DCLK2: variants seen among roughly 807,000 people sequenced by gnomAD.
The protein encoded by DCLK2 is doublecortin like kinase 2, also known as serine/threonine-protein kinase DCLK2.
In DCLK2, 31 loss-of-function variants were observed where a neutral mutation model predicts 78.4. The ratio of observed to expected loss-of-function variants is 0.40; its 90% CI spans 0.30 to 0.53. The LOEUF (loss-of-function observed/expected upper bound fraction) is 0.53, where lower values mean the gene tolerates loss of function less well. Ranked by LOEUF, DCLK2 falls within the 20% of genes least tolerant of loss-of-function variation. DCLK2 has a pLI of 0.61. For synonymous variants in DCLK2, 407 were observed against 374.9 expected (o/e 1.09, Z -0.99); for missense variants, 872 against 973.7 (o/e 0.90, Z 1.39).
In DCLK2 at chr4:150,223,743, CAATAAATA is replaced by C. The variant is rs59076501; in HGVS notation, c.1242-732_1242-725del. ...TGGCTGACAGAGCAAGACTCTCTCT[CAATAAATA>C]AATAAATAAATAAATAAATAAATAA... On this transcript the variant is annotated intron_variant, in intron 7 of 15. Transcript: ENST00000296550. 2.9e-3 allele frequency among the ~76,000 whole-genome samples: 425 copies of C among 146,962 alleles called. 2 individuals are homozygous for C. Among genetic ancestry groups the C allele is most frequent in the African/African-American group, 8.7e-3 (348 of 39,984 alleles).
intron 12 of DCLK2, among the ~76,000 whole-genome samples, chr4:150,242,236 A>G (rs1285578587): frequency 6.6e-6 from 1 of 152,228 alleles, no homozygotes; most frequent in Non-Finnish European, 1.5e-5. Context: ...ATCAAAGAGA[A>G]TAAGCAGAGC....
At position 150,100,240 on chromosome 4, in the gene DCLK2, A is replaced by G. The variant is rs538711355; in HGVS notation, c.422-2238A>G. ...CAAATTTTTAATGGAAACATTATGA[A>G]AGGAAGAAGGGAGAATGGGAAGGAA... On this transcript the variant is annotated intron_variant, in intron 1 of 15. Coordinates refer to ENST00000296550, the MANE Select transcript of DCLK2 (RefSeq NM_001040260.4). 2.0e-5 allele frequency among the ~76,000 whole-genome samples: 3 copies of G among 152,328 alleles called. No individual in the cohort carries two copies. The South Asian group carries it at 6.2e-4, about 32-fold the overall frequency.
intron 15 of DCLK2, chr4:150,253,782 G>GT: frequency 2.0e-6 from 2 of 985,458 alleles, no homozygotes; most frequent in Non-Finnish European, 2.4e-6. Context: ...CCAACAGCTG[G>GT]TGAGAGCACG....
chr4:150,230,976 T>C (rs1742007952), intron 8 of DCLK2, among the ~76,000 whole-genome samples: 1 of 152,252 alleles, frequency 6.6e-6, no homozygotes, highest in Non-Finnish European at 1.5e-5. Context: ...CCTGGTGTGA[T>C]TCTTAACCCC....
chr4:150,168,129 G>A (rs1418502205), intron 2 of DCLK2, among the ~76,000 whole-genome samples: 2 of 152,144 alleles, frequency 1.3e-5, no homozygotes, highest in African/African-American at 4.8e-5. Context: ...GGATCACGAG[G>A]TCAGGAGATC....
chr4:150,253,879 T>C, intron 15 of DCLK2: 5 of 985,468 alleles, frequency 5.1e-6, no homozygotes, highest in Non-Finnish European at 6.0e-6. Flanking sequence ...AGATGGTGCC[T>C]TCGTGAAGGC....
rs1199446103 is a variant in DCLK2, at chr4:150,203,840, A to G, written c.1007A>G (p.Lys336Arg). 6.2e-7 allele frequency: 1 copy of G among 1,614,004 alleles called. No homozygotes were observed. Residue 336 changes from lysine (K) to arginine (R), a missense_variant, in exon 5 of 16, where the codon AAA becomes AGA. By Grantham distance (26) the Lys-to-Arg change is conservative (BLOSUM62 2). Coordinates refer to ENST00000296550, the MANE Select transcript of DCLK2 (RefSeq NM_001040260.4). ...SSQLSTPKST[K>R]SSSSSPTSPG... ...CAACTTTCTACTCCTAAATCTACGA[A>G]ATCCTCCAGTTCCTCTCCAACTAGT...
intron 5 of DCLK2, among the ~76,000 whole-genome samples, chr4:150,218,594 G>A (rs1740927596): frequency 6.6e-6 from 1 of 152,204 alleles, no homozygotes; most frequent in Non-Finnish European, 1.5e-5. Flanking sequence ...ACAGGTCTTA[G>A]GACCTCAGCT....
intron 2 of DCLK2, among the ~76,000 whole-genome samples, chr4:150,116,312 A>G (rs926178505): frequency 6.6e-6 from 1 of 152,154 alleles, no homozygotes; most frequent in Non-Finnish European, 1.5e-5. Context: ...CTTCTCCAAG[A>G]TCCTTCACAA....
chr4:150,256,483 C>T lies in DCLK2; in HGVS notation c.*236C>T, dbSNP rs191543306. On this transcript the variant is annotated 3_prime_UTR_variant, in exon 16 of 16. Transcript: ENST00000296550. ...AAGGCTGCATCCGTTCTGCCAACAG[C>T]TGTTCGGAGAGACTCGTTCCAGATC... The T allele has an allele frequency of 9.8e-4, 499 of 511,666 alleles. 6 individuals are homozygous for T. The highest frequency in any genetic ancestry group is 8.3e-3 in the African/African-American group (411 of 49,740). The allele number at this position is 511,666 out of a possible 1,614,324, so 31.7% of individuals were successfully genotyped here. A position where few individuals can be genotyped will look rare whatever the true frequency, so the allele number is the denominator to read the frequency against.
rs188760290 is a variant in DCLK2, at chr4:150,142,333, G to A, written c.756+39521G>A. The stretch of plus-strand genomic sequence containing the variant: ...CAGGGATAATGATTGGGTAATTTGA[G>A]ATGTCGTGATTGACCCCAGATCTTT... On this transcript the variant is annotated intron_variant, in intron 2 of 15. Coordinates refer to ENST00000296550, the MANE Select transcript of DCLK2 (RefSeq NM_001040260.4). 9.1e-4 allele frequency among the ~76,000 whole-genome samples: 139 copies of A among 152,282 alleles called. 1 individual carries two copies. The highest frequency in any genetic ancestry group is 5.3e-4 in the Non-Finnish European group (36 of 68,016).
At chr4:150,182,506 G>A (rs1737606209) in intron 2 of DCLK2, among the ~76,000 whole-genome samples, 2 of 152,196 alleles carry the variant, frequency 1.3e-5, no homozygotes, top group Admixed American at 1.3e-4. Context: ...TTTAAAATAA[G>A]TGTCTCATGC....
intron 15 of DCLK2, among the ~76,000 whole-genome samples, chr4:150,253,055 C>G (rs549727307): frequency 1.3e-5 from 2 of 152,028 alleles, no homozygotes; most frequent in Non-Finnish European, 2.9e-5. Context: ...GGGGAACTTG[C>G]GATGCTGCTG....
intron 12 of DCLK2, among the ~76,000 whole-genome samples, 196 bp downstream of exon 12, chr4:150,240,672 C>T (rs1349828115): frequency 3.4e-5 from 5 of 149,154 alleles, no homozygotes; most frequent in East Asian, 2.0e-4. Context: ...GTGGGTGCAG[C>T]GCACCAGCAT....
chr4:150,244,999 AG>A (rs1238263927), intron 12 of DCLK2, among the ~76,000 whole-genome samples: 3 of 151,068 alleles, frequency 2.0e-5, no homozygotes, highest in Non-Finnish European at 3.0e-5. Flanking sequence ...GTGGAATAAT[AG>A]GTAAGGATGA....
At chr4:150,192,246 C>T (rs111377552) in intron 2 of DCLK2, among the ~76,000 whole-genome samples, 3,289 of 151,926 alleles carry the variant, frequency 0.022, 107 homozygotes, top group African/African-American at 0.071. Context: ...TTTAGGAGGC[C>T]GAGGCAGGCA....
intron 5 of DCLK2, among the ~76,000 whole-genome samples, chr4:150,211,456 A>G (rs904023793): frequency 1.3e-5 from 2 of 152,146 alleles, no homozygotes; most frequent in Non-Finnish European, 2.9e-5. Context: ...TCACAAGGGC[A>G]TGAGAAACGG....
intron 12 of DCLK2, among the ~76,000 whole-genome samples, chr4:150,244,525 CTCTTT>C (rs1234320373): frequency 6.6e-6 from 1 of 152,092 alleles, no homozygotes; most frequent in Non-Finnish European, 1.5e-5. Flanking sequence ...TGTGCACAAA[CTCTTT>C]TGTTGTTTTT....
chr4:150,164,900 AG>A (rs1431289599), intron 2 of DCLK2, among the ~76,000 whole-genome samples: 2 of 152,258 alleles, frequency 1.3e-5, no homozygotes, highest in Non-Finnish European at 2.9e-5. Flanking sequence ...ATCATTGTAT[AG>A]GGTGAAACAA....
Sources: allele counts gnomAD v4.1 joint callset (sites outside exome capture counted in the v4.1 genomes callset), GRCh38; gene constraint gnomAD v4.1.1; transcripts MANE v1.5; gene names NCBI Gene and HGNC (gene_info 2026-07-23, HGNC 2026-07-21).